Variants in SNTG2 observed in about 807,000 individuals in gnomAD.
SNTG2 encodes gamma-2-syntrophin.
Under a neutral mutation model 70.9 loss-of-function variants are expected in SNTG2, and 74 were observed. The observed-to-expected ratio is 1.04, with a 90% CI of 0.86 to 1.27. The LOEUF is 1.27. Ranked by LOEUF, SNTG2 falls within the 50% of genes most tolerant of loss-of-function variation. SNTG2 has a pLI of 0.00. For missense variants in SNTG2, 717 were observed against 690.7 expected, an observed-to-expected ratio of 1.04 and a Z score of -0.43; for synonymous variants, 278 against 273.8, an observed-to-expected ratio of 1.02 and a Z score of -0.15.
At chr2:956,113 CTGCCCCTGCCCA>C (rs1365652860) in intron 1 of SNTG2, among the ~76,000 whole-genome samples, 9 of 137,340 alleles carry the variant, frequency 6.6e-5, no homozygotes, top group African/African-American at 2.6e-4. Context: ...TACCCCTGCC[CTGCCCCTGCCCA>C]TGCCCTGCAC....
chr2:1,247,512 C>A, intron 12 of SNTG2, 69 bp downstream of exon 12: 1 of 1,091,518 alleles, frequency 9.2e-7, no homozygotes, highest in Non-Finnish European at 1.4e-6. Context: ...AGGGGGAAAG[C>A]TACATCTGGT....
At chr2:1,235,674 A>G (rs1419267900) in intron 9 of SNTG2, among the ~76,000 whole-genome samples, 4 of 150,366 alleles carry the variant, frequency 2.7e-5, no homozygotes, top group African/African-American at 9.8e-5. Context: ...ACGCTGCCCC[A>G]GGATCCCTGC....
intron 4 of SNTG2, among the ~76,000 whole-genome samples, chr2:1,116,148 G>C (rs1163639808): frequency 6.6e-6 from 1 of 152,242 alleles, no homozygotes; most frequent in Admixed American, 6.5e-5. Context: ...GGCGTCTTCA[G>C]AGCTTAGGGT....
chr2:1,262,488 G>A lies in SNTG2; in HGVS notation c.1077+3047G>A, dbSNP rs1442511406. On this transcript the variant is annotated intron_variant, in intron 13 of 16. Transcript: ENST00000308624. ...TCTAGAAAGATTCAGGTATCAAATG[G>A]CAGAGAAAGAACATACAATAATACA... Among the ~76,000 whole-genome samples the A allele has an allele frequency of 5.9e-5, 9 of 152,348 alleles. No individual in the cohort carries two copies. The South Asian group carries it at 1.7e-3, about 28-fold the overall frequency.
At chr2:1,321,887 T>C (rs1262443965) in intron 16 of SNTG2, among the ~76,000 whole-genome samples, 10 of 151,900 alleles carry the variant, frequency 6.6e-5, no homozygotes, top group Non-Finnish European at 1.5e-5. Flanking sequence ...CTTCCTTCCT[T>C]CCTTTCCTTC....
intron 6 of SNTG2, among the ~76,000 whole-genome samples, chr2:1,155,889 A>G (rs746067007): frequency 7.2e-5 from 11 of 152,096 alleles, no homozygotes; most frequent in Non-Finnish European, 1.2e-4. Context: ...AGAGTGTGCA[A>G]TCAAGGAATG....
chr2:954,569 T>G (rs377509571), intron 1 of SNTG2, among the ~76,000 whole-genome samples: 2 of 152,202 alleles, frequency 1.3e-5, no homozygotes, highest in African/African-American at 4.8e-5. Flanking sequence ...CAGCTAACAC[T>G]AGATGTCACT....
At chr2:1,070,011 C>G (rs985042461) in intron 1 of SNTG2, among the ~76,000 whole-genome samples, 1 of 151,986 alleles carries the variant, frequency 6.6e-6, no homozygotes, top group Non-Finnish European at 1.5e-5. Context: ...CCCGCGGCCC[C>G]CCACGTGTTT....
intron 15 of SNTG2, among the ~76,000 whole-genome samples, chr2:1,314,785 A>G (rs1447195089): frequency 1.3e-5 from 2 of 152,234 alleles, no homozygotes; most frequent in African/African-American, 4.8e-5. Flanking sequence ...CCTCACAATC[A>G]TGGCAGAAGG....
At chr2:1,145,370 TTAA>T (rs1669030069) in intron 6 of SNTG2, among the ~76,000 whole-genome samples, 2 of 152,118 alleles carry the variant, frequency 1.3e-5, no homozygotes, top group Admixed American at 6.6e-5. Context: ...AGAACACAAG[TTAA>T]TAATATTAGA....
At chr2:1,273,550 G>A (rs1679145011) in intron 14 of SNTG2, among the ~76,000 whole-genome samples, 1 of 151,866 alleles carries the variant, frequency 6.6e-6, no homozygotes, top group South Asian at 2.1e-4. Context: ...AGTGGAGAAA[G>A]GAAAGCCTTC....
intron 1 of SNTG2, among the ~76,000 whole-genome samples, chr2:1,043,837 C>G (rs1183961404): frequency 1.3e-5 from 2 of 152,146 alleles, no homozygotes; most frequent in Non-Finnish European, 2.9e-5. Context: ...AGTTAGAAGT[C>G]AGGTCATGTG....
rs189997027 is a variant in SNTG2, at chr2:1,022,268, C to G, written c.73-61250C>G. Among the ~76,000 whole-genome samples the G allele has an allele frequency of 2.7e-3, 403 of 151,930 alleles. 2 individuals carry two copies. Among genetic ancestry groups the G allele is most frequent in the Non-Finnish European group, 5.1e-3 (346 of 67,946 alleles). On this transcript the variant is annotated intron_variant, in intron 1 of 16. Transcript: ENST00000308624. ...TGCGTTCCCATGAATCCCTTTGTTC[C>G]CATAAATTCCTTTGTTTTTGTGAGC... is the stretch of plus-strand genomic sequence containing the variant.
chr2:1,131,682 C>T (rs1295545128), intron 4 of SNTG2, among the ~76,000 whole-genome samples: 3 of 150,846 alleles, frequency 2.0e-5, no homozygotes, highest in Non-Finnish European at 2.9e-5. Flanking sequence ...GACAGAGTCT[C>T]ACTCTGTTGC....
intron 1 of SNTG2, among the ~76,000 whole-genome samples, chr2:988,519 G>C (rs1661399427): frequency 6.6e-6 from 1 of 152,100 alleles, no homozygotes; most frequent in Non-Finnish European, 1.5e-5. Flanking sequence ...GGGTCAATAG[G>C]GTGTTATCCT....
chr2:1,133,647 C>T (rs540975541), intron 4 of SNTG2, among the ~76,000 whole-genome samples: 6 of 152,098 alleles, frequency 3.9e-5, no homozygotes, highest in East Asian at 1.9e-4. Context: ...ATTAAAATTT[C>T]GAATTAAAAT....
chr2:1,183,864 A>C (rs548434668), intron 8 of SNTG2, among the ~76,000 whole-genome samples: 1 of 152,310 alleles, frequency 6.6e-6, no homozygotes, highest in African/African-American at 2.4e-5. Flanking sequence ...GAGTTTTTCC[A>C]TGTATATCCA....
intron 8 of SNTG2, among the ~76,000 whole-genome samples, chr2:1,194,193 A>C (rs1007030161): frequency 2.6e-5 from 4 of 152,192 alleles, no homozygotes; most frequent in Non-Finnish European, 5.9e-5. Context: ...AGAGAGTTAG[A>C]AGTAGGAGGA....
At chr2:1,262,685 G>GGAAGGCTCCGTGCAGACGAGGCAACCC (rs1678487840) in intron 13 of SNTG2, among the ~76,000 whole-genome samples, 1 of 127,572 alleles carries the variant, frequency 7.8e-6, no homozygotes. Flanking sequence ...CGAGGCAACC[G>GGAAGGCTCCGTGCAGACGAGGCAACCC]GAAGGCTCCG....
Sources: gnomAD v4.1 joint callset for allele counts (sites outside exome capture counted in the v4.1 genomes callset) on GRCh38, gnomAD v4.1.1 for gene constraint, MANE v1.5 for transcripts, NCBI Gene and HGNC (gene_info 2026-07-23, HGNC 2026-07-21) for gene names.